Variants in SRBD1 observed in about 807,000 individuals in gnomAD.
SRBD1 encodes the protein S1 RNA binding domain 1.
A neutral mutation model predicts 115.3 loss-of-function variants in SRBD1; 88 were observed. The ratio of observed to expected loss-of-function variants is 0.76; its 90% confidence interval spans 0.64 to 0.91. The LOEUF is 0.91. SRBD1 is among the 40% of genes least tolerant of loss of function. The pLI, the probability that SRBD1 is intolerant of heterozygous loss-of-function variation, is 0.00. For missense variants in SRBD1, 1,385 were observed against 1,177.4 expected, an observed-to-expected ratio of 1.18 and a Z score of -2.58; for synonymous variants, 509 against 407.7, an observed-to-expected ratio of 1.25 and a Z score of -2.99.
At chr2:45,472,326 G>A (rs896353503) in intron 16 of SRBD1, among the ~76,000 whole-genome samples, 2 of 152,180 alleles carry the variant, frequency 1.3e-5, no homozygotes, top group Non-Finnish European at 2.9e-5. Flanking sequence ...AAGGACAACG[G>A]AGAATGACTG....
intron 16 of SRBD1, among the ~76,000 whole-genome samples, chr2:45,439,183 A>G (rs2103701708): frequency 6.6e-6 from 1 of 151,542 alleles, no homozygotes; most frequent in African/African-American, 2.4e-5. Flanking sequence ...GATAAATGAG[A>G]TCTCATTGCC....
At chr2:45,496,840 C>T (rs1670474516) in intron 14 of SRBD1, among the ~76,000 whole-genome samples, 1 of 152,282 alleles carries the variant, frequency 6.6e-6, no homozygotes. Flanking sequence ...CAGTAGCCTC[C>T]AGTTTGGATC....
intron 16 of SRBD1, among the ~76,000 whole-genome samples, chr2:45,426,026 T>G (rs1327749531): frequency 6.6e-6 from 1 of 152,118 alleles, no homozygotes; most frequent in Non-Finnish European, 1.5e-5. Flanking sequence ...GAAAGGGGGC[T>G]GGAGCCAGGG....
chr2:45,414,698 AGT>A (rs1232193349), intron 18 of SRBD1, among the ~76,000 whole-genome samples: 5 of 133,590 alleles, frequency 3.7e-5, no homozygotes, highest in East Asian at 2.0e-4. Context: ...ACACACACAT[AGT>A]GTGTATATAG....
intron 10 of SRBD1, among the ~76,000 whole-genome samples, chr2:45,560,586 A>G (rs1452545977): frequency 3.9e-5 from 6 of 152,260 alleles, no homozygotes; most frequent in African/African-American, 1.4e-4. Context: ...GAAATTAAGT[A>G]GCATGCCCAT....
chr2:45,578,047 A>T (rs1235956289), intron 7 of SRBD1, among the ~76,000 whole-genome samples: 2 of 152,168 alleles, frequency 1.3e-5, no homozygotes, highest in African/African-American at 4.8e-5. Flanking sequence ...GGACAATCCA[A>T]AGAGATATGG....
chr2:45,545,283 TAAAAAAAAAAAAAAA>T (rs56909656), intron 14 of SRBD1, among the ~76,000 whole-genome samples: 10 of 68,576 alleles, frequency 1.5e-4, no homozygotes, highest in South Asian at 1.4e-3. Flanking sequence ...CTGTCTCAAT[TAAAAAAAAAAAAAAA>T]AAAAAAAAAA....
chr2:45,499,253 T>G (rs1202199316), intron 14 of SRBD1, among the ~76,000 whole-genome samples: 1 of 152,180 alleles, frequency 6.6e-6, no homozygotes, highest in Non-Finnish European at 1.5e-5. Flanking sequence ...TTAGTGATGC[T>G]TAGCATTTCT....
intron 16 of SRBD1, among the ~76,000 whole-genome samples, chr2:45,461,732 A>T (rs868067032): frequency 2.0e-5 from 3 of 152,116 alleles, no homozygotes; most frequent in Non-Finnish European, 4.4e-5. Context: ...GATCTGCTTA[A>T]AAATGCATCC....
rs546228571 is a variant in SRBD1, at chr2:45,520,832, C to T, written c.1874+25900G>A. On this transcript the variant is annotated intron_variant, in intron 14 of 20. Coordinates refer to ENST00000263736, the MANE Select transcript of SRBD1 (RefSeq NM_018079.5). ...TCCCATCCATCTGGCTGAAAGCCAC[C>T]TCCACCACTCAGTAAAACCCCCACA... 4.6e-5 allele frequency among the ~76,000 whole-genome samples: 7 copies of T among 152,288 alleles called. No individual in the cohort carries two copies. In the South Asian group the frequency reaches 1.4e-3, roughly 32 times the overall value.
intron 9 of SRBD1, among the ~76,000 whole-genome samples, chr2:45,567,372 G>C (rs1326585189): frequency 6.6e-6 from 1 of 152,100 alleles, no homozygotes; most frequent in Non-Finnish European, 1.5e-5. Context: ...CACTTTGAGA[G>C]GCCAAAGCAG....
At chr2:45,584,629 G>C (rs887990635) in intron 5 of SRBD1, among the ~76,000 whole-genome samples, 1 of 152,156 alleles carries the variant, frequency 6.6e-6, no homozygotes, top group Non-Finnish European at 1.5e-5. Flanking sequence ...CTTGAAGAAT[G>C]TACACATTAA....
chr2:45,580,672 A>ACTC lies in SRBD1; in HGVS notation c.934-660_934-659insGAG, dbSNP rs1422019303. 3.8e-4 allele frequency among the ~76,000 whole-genome samples: 36 copies of ACTC among 95,534 alleles called. 1 individual carries two copies. Among genetic ancestry groups the ACTC allele is most frequent in the African/African-American group, 1.3e-3 (29 of 22,448 alleles). The allele number at this position is 95,534 out of a possible 152,430, so 62.7% of individuals were successfully genotyped here. On this transcript the variant is annotated intron_variant, in intron 6 of 20. Transcript: ENST00000263736. ...CCGCACCTGGCCGGTCAATTCTTCTACTTCTTTTTTTTTTTTTTTTTTTTT... is the reference window on the plus strand; with the variant it reads ...CCGCACCTGGCCGGTCAATTCTTCTACTCCTTCTTTTTTTTTTTTTTTTTTTTT...
chr2:45,530,825 C>G (rs562778655), intron 14 of SRBD1, among the ~76,000 whole-genome samples: 160 of 152,038 alleles, frequency 1.1e-3, no homozygotes, highest in Non-Finnish European at 1.9e-3. Context: ...CCTATGTCAA[C>G]AAAGGGGCAA....
chr2:45,418,980 T>C (rs1038439151), intron 17 of SRBD1, among the ~76,000 whole-genome samples: 1 of 152,214 alleles, frequency 6.6e-6, no homozygotes, highest in Non-Finnish European at 1.5e-5. Flanking sequence ...TTCTCAGTAA[T>C]ATAGAGCTGA....
At chr2:45,422,844 T>C (rs1469837807) in intron 16 of SRBD1, among the ~76,000 whole-genome samples, 2 of 152,220 alleles carry the variant, frequency 1.3e-5, no homozygotes, top group Non-Finnish European at 2.9e-5. Flanking sequence ...TCTCAGCAAC[T>C]GTAATATTTT....
At chr2:45,480,117 T>C (rs1408799369) in intron 15 of SRBD1, among the ~76,000 whole-genome samples, 1 of 152,204 alleles carries the variant, frequency 6.6e-6, no homozygotes, top group African/African-American at 2.4e-5. Context: ...TTAGTGCTCA[T>C]TGACAATGCA....
intron 4 of SRBD1, 124 bp from the exon 5 acceptor site, chr2:45,585,898 T>C (rs1673505737): frequency 4.1e-6 from 3 of 738,306 alleles, no homozygotes; most frequent in Non-Finnish European, 5.9e-6. Flanking sequence ...CTATAGTTTT[T>C]TAAAAAAAAG....
At chr2:45,392,637 C>T (rs149433990) in intron 20 of SRBD1, among the ~76,000 whole-genome samples, 3 of 152,256 alleles carry the variant, frequency 2.0e-5, no homozygotes, top group African/African-American at 7.2e-5. Context: ...ATAAAGACAA[C>T]TTACAAAAGG....
Sources: gnomAD v4.1 joint callset for allele counts (sites outside exome capture counted in the v4.1 genomes callset) on GRCh38, gnomAD v4.1.1 for gene constraint, MANE v1.5 for transcripts, NCBI Gene and HGNC (gene_info 2026-07-23, HGNC 2026-07-21) for gene names.